The following SH3BP4 variants were observed in gnomAD, a reference collection of about 807,000 sequenced individuals.
SH3BP4 encodes the protein SH3 domain binding protein 4.
A neutral mutation model predicts 65.5 loss-of-function variants in SH3BP4; 33 were observed. The ratio of observed to expected loss-of-function variants is 0.50; its 90% confidence interval spans 0.38 to 0.67. The LOEUF (loss-of-function observed/expected upper bound fraction) is 0.67. SH3BP4 is among the 30% of genes least tolerant of loss of function. SH3BP4 has a pLI of 0.00. For missense variants in SH3BP4, 1,134 were observed against 1,261.4 expected, an observed-to-expected ratio of 0.90 and a Z score of 1.53; for synonymous variants, 552 against 545.5, an observed-to-expected ratio of 1.01 and a Z score of -0.17.
intron 2 of SH3BP4, among the ~76,000 whole-genome samples, chr2:235,027,413 G>T (rs1346392336): frequency 6.6e-6 from 1 of 152,014 alleles, no homozygotes; most frequent in Non-Finnish European, 1.5e-5. Flanking sequence ...TGGGTGTCAG[G>T]CCGTCAGTAA....
rs1692786985 is a variant in SH3BP4 at position 234,964,397 on chromosome 2, C to T, written c.-207+12227C>T. Among the ~76,000 whole-genome samples, 4 of 152,316 alleles carry T rather than the reference C, an allele frequency of 2.6e-5. No homozygotes were observed. The South Asian group carries it at 8.3e-4, about 32-fold the overall frequency. On this transcript the variant is annotated intron_variant, in intron 1 of 5. Transcript: ENST00000392011. ...TTAATTCCTTGACTCACTGCTGAGCCCCTCTGCATTCCGGGTGGGGGAGAT... is the reference window on the plus strand; with the variant it reads ...TTAATTCCTTGACTCACTGCTGAGCTCCTCTGCATTCCGGGTGGGGGAGAT...
Position 234,957,219 on chromosome 2 carries a change from A to G in SH3BP4, c.-207+5049A>G, listed in dbSNP as rs1316141383. On this transcript the variant is annotated intron_variant, in intron 1 of 5. Coordinates refer to ENST00000392011, the MANE Select transcript of SH3BP4 (RefSeq NM_014521.3). Reference sequence around the variant, plus strand: ...ATTTTTAGTAGAGACCGGCTTCCCCATGTTGGCTAGGCTGGTCTTGAACTC... The same window carrying G: ...ATTTTTAGTAGAGACCGGCTTCCCCGTGTTGGCTAGGCTGGTCTTGAACTC... 3.9e-5 allele frequency among the ~76,000 whole-genome samples: 6 copies of G among 151,966 alleles called. No homozygotes were observed. In the South Asian group the frequency reaches 8.3e-4, roughly 21 times the overall value.
Position 234,991,323 on chromosome 2 carries a change from C to T in SH3BP4, c.-206-3980C>T, listed in dbSNP as rs761838526. Among the ~76,000 whole-genome samples the T allele has an allele frequency of 7.9e-5, 12 of 152,332 alleles. No homozygotes were observed. The highest frequency in any genetic ancestry group is 8.8e-5 in the Non-Finnish European group (6 of 68,034). On this transcript the variant is annotated intron_variant, in intron 1 of 5. Coordinates refer to ENST00000392011, the MANE Select transcript of SH3BP4 (RefSeq NM_014521.3). This position sits in a 1 kb window ranked among gnomAD's most constrained non-coding sequence, Gnocchi z 4.2. ...TGGGATCAACTCTCTGCAGATTTGT[C>T]ATCAGCTGAGACTGTCAACCATTGT...
chr2:235,008,010 C>G (rs1694353831), intron 2 of SH3BP4, among the ~76,000 whole-genome samples: 1 of 152,138 alleles, frequency 6.6e-6, no homozygotes, highest in Admixed American at 6.5e-5. Flanking sequence ...GTGAGCTGCA[C>G]CCCTGTGGGA....
chr2:235,049,708 A>G (rs1695982581), intron 4 of SH3BP4, among the ~76,000 whole-genome samples: 1 of 152,246 alleles, frequency 6.6e-6, no homozygotes, highest in Non-Finnish European at 1.5e-5. Context: ...TCTGAAATAT[A>G]TAAATAGTTG....
At chr2:235,048,595 C>T (rs1478748990) in intron 4 of SH3BP4, among the ~76,000 whole-genome samples, 1 of 152,150 alleles carries the variant, frequency 6.6e-6, no homozygotes, top group Non-Finnish European at 1.5e-5. Context: ...CCACCTCAGC[C>T]TACCAAAATG....
At chr2:234,953,339 G>A (rs1170179989) in intron 1 of SH3BP4, 1 of 152,206 alleles carries the variant, frequency 6.6e-6, no homozygotes, top group African/African-American at 2.4e-5. Context: ...TAGAACTGGA[G>A]CCATTCTTGC....
chr2:234,998,704 A>G (rs10929077), intron 2 of SH3BP4, among the ~76,000 whole-genome samples: 54,071 of 152,158 alleles, frequency 0.36, 12,574 homozygotes, highest in East Asian at 0.74. Flanking sequence ...TACTCACTAC[A>G]TGACCACACC....
rs1221085753 is a variant in SH3BP4 at position 234,977,170 on chromosome 2, G to A, written c.-206-18133G>A. Among the ~76,000 whole-genome samples, 4 of 152,216 alleles carry A rather than the reference G, an allele frequency of 2.6e-5. No individual in the cohort carries two copies. The highest frequency in any genetic ancestry group is 5.9e-5 in the Non-Finnish European group (4 of 68,040). ...GAGTGGTTAGGAAGGCTGGTTGGAGGCTGGGGTTCCAGGCCTGACCCTCTG... is the reference window on the plus strand; with the variant it reads ...GAGTGGTTAGGAAGGCTGGTTGGAGACTGGGGTTCCAGGCCTGACCCTCTG... On this transcript the variant is annotated intron_variant, in intron 1 of 5. Coordinates refer to ENST00000392011, the MANE Select transcript of SH3BP4 (RefSeq NM_014521.3). This position sits in a 1 kb window ranked among gnomAD's most constrained non-coding sequence, Gnocchi z 5.1.
intron 4 of SH3BP4, among the ~76,000 whole-genome samples, chr2:235,044,700 A>C (rs564987117): frequency 9.6e-4 from 146 of 152,366 alleles, no homozygotes; most frequent in African/African-American, 3.5e-3. Context: ...GGGAGAGCCC[A>C]GAGTGTCCTG....
intron 4 of SH3BP4, among the ~76,000 whole-genome samples, chr2:235,043,876 G>T (rs1695757003): frequency 2.0e-5 from 3 of 152,268 alleles, no homozygotes; most frequent in African/African-American, 7.2e-5. Flanking sequence ...GGGGGATCCT[G>T]GGGGGCCCCA....
Position 235,030,046 on chromosome 2 carries a change from T to C in SH3BP4, c.-132-4825T>C, listed in dbSNP as rs2195195. ...GATTGAAGGGTTGAGATCGGCAATA[T>C]GTAACCCTGGAGGTACAGGTGGAGA... On this transcript the variant is annotated intron_variant, in intron 2 of 5. Coordinates refer to ENST00000392011, the MANE Select transcript of SH3BP4 (RefSeq NM_014521.3). The surrounding 1 kb of genome is among the most constrained non-coding windows in gnomAD (Gnocchi z 4.1). 0.35 allele frequency among the ~76,000 whole-genome samples: 52,592 copies of C among 152,098 alleles called. 10,589 individuals carry two copies. The highest frequency in any genetic ancestry group is 0.56 in the African/African-American group (23,037 of 41,462).
intron 4 of SH3BP4, among the ~76,000 whole-genome samples, chr2:235,050,789 C>T (rs991026850): frequency 2.6e-5 from 4 of 151,978 alleles, no homozygotes; most frequent in Non-Finnish European, 4.4e-5. Flanking sequence ...ACCCTGCTAT[C>T]GGCACAAAAT....
intron 1 of SH3BP4, among the ~76,000 whole-genome samples, chr2:234,987,065 C>CCTGG (rs1693584523): frequency 1.3e-5 from 2 of 151,896 alleles, no homozygotes; most frequent in African/African-American, 4.8e-5. Flanking sequence ...AGCCACCCCG[C>CCTGG]CCGGCCTGCT....
In SH3BP4 at chr2:235,038,267, A is replaced by G. The variant is rs1287090051; in HGVS notation, c.119-2621A>G. Among the ~76,000 whole-genome samples the G allele has an allele frequency of 4.1e-3, 88 of 21,398 alleles. 2 individuals carry two copies. The highest frequency in any genetic ancestry group is 0.037 in the African/African-American group (81 of 2,174). 14.0% of individuals were successfully genotyped at this position (21,398 alleles called of 152,430 possible). ...ATATATATTATATATAATATATATT[A>G]TATATAATATATATTATATATAATA... On this transcript the variant is annotated intron_variant, in intron 3 of 5. Coordinates refer to ENST00000392011, the MANE Select transcript of SH3BP4 (RefSeq NM_014521.3).
intron 1 of SH3BP4, among the ~76,000 whole-genome samples, chr2:234,984,791 C>A (rs34344864): frequency 6.6e-6 from 1 of 152,046 alleles, no homozygotes; most frequent in African/African-American, 2.4e-5. Flanking sequence ...AAAGCAGAGC[C>A]TGAGACAAGG....
chr2:235,021,341 T>C (rs780821288), intron 2 of SH3BP4, among the ~76,000 whole-genome samples: 2 of 152,072 alleles, frequency 1.3e-5, no homozygotes, highest in Admixed American at 6.6e-5. Context: ...GGGCCGGGTG[T>C]AGTGGCTCAC....
At chr2:235,007,727 G>A (rs561097457) in intron 2 of SH3BP4, among the ~76,000 whole-genome samples, 10 of 152,206 alleles carry the variant, frequency 6.6e-5, no homozygotes, top group East Asian at 5.8e-4. Flanking sequence ...GAGAGGCTGC[G>A]GCCATCCTGA....
chr2:235,034,986 G>T lies in SH3BP4; in HGVS notation c.-17G>T. The T allele has an allele frequency of 6.2e-7, 1 of 1,608,084 alleles. No individual in the cohort carries two copies. Among genetic ancestry groups the T allele is most frequent in the Non-Finnish European group, 8.5e-7 (1 of 1,174,948 alleles). ...ATATGAAGCCTTAGCGGCTTTACCC[G>T]GGAAGCGAGTTTCGAGATGGCGGCT... On this transcript the variant is annotated 5_prime_UTR_variant, in exon 3 of 6. Transcript: ENST00000392011. The surrounding 1 kb of genome is among the most constrained non-coding windows in gnomAD (Gnocchi z 6.2).
Sources: allele counts gnomAD v4.1 joint callset (sites outside exome capture counted in the v4.1 genomes callset), GRCh38; gene constraint gnomAD v4.1.1; non-coding constraint Gnocchi (gnomAD v3.1); transcripts MANE v1.5; gene names NCBI Gene and HGNC (gene_info 2026-07-23, HGNC 2026-07-21).